The following BIRC5 variants were observed in gnomAD, a reference collection of about 807,000 sequenced individuals.
BIRC5 encodes baculoviral IAP repeat containing 5.
In BIRC5, 8 loss-of-function variants were observed where a neutral mutation model predicts 15.8. The ratio of observed to expected loss-of-function variants is 0.51; its 90% CI spans 0.30 to 0.91. BIRC5 has a LOEUF of 0.91. Ranked by LOEUF, BIRC5 falls within the 40% of genes least tolerant of loss-of-function variation. The pLI is 0.07. For synonymous variants in BIRC5, 56 were observed against 64.5 expected (o/e 0.87, Z 0.63); for missense variants, 163 against 178.6 (o/e 0.91, Z 0.50).
chr17:78,215,365 C>T (rs1000964020), intron 2 of BIRC5, among the ~76,000 whole-genome samples: 4 of 151,448 alleles, frequency 2.6e-5, no homozygotes, highest in African/African-American at 4.9e-5. Flanking sequence ...TGCAGTGAGC[C>T]GAGATTGTGC....
In BIRC5 at chr17:78,225,381, C is replaced by T. The variant is rs4789560; in HGVS notation, c.*1827C>T. The T allele has an allele frequency of 0.38, 57,660 of 152,038 alleles. 10,986 individuals carry two copies. Among genetic ancestry groups the T allele is most frequent in the Middle Eastern group, 0.48 (140 of 294 alleles). The allele number at this position is 152,038 out of a possible 1,614,324, so 9.4% of individuals were successfully genotyped here. A position where few individuals can be genotyped will look rare whatever the true frequency, so the allele number is the denominator to read the frequency against. ...CTAGACTTTCTTTCAGATACATGTC[C>T]ACATGTCCATTTTTCAGGTTCTCTA... On this transcript the variant is annotated 3_prime_UTR_variant, in exon 4 of 4. Coordinates refer to ENST00000350051, the MANE Select transcript of BIRC5 (RefSeq NM_001168.3).
intron 3 of BIRC5, among the ~76,000 whole-genome samples, chr17:78,218,902 A>T (rs4789554): frequency 6.6e-6 from 1 of 151,750 alleles, no homozygotes; most frequent in Non-Finnish European, 1.5e-5. Context: ...CTACTGCACC[A>T]GGCCTGGGCG....
At position 78,223,800 on chromosome 17, in the gene BIRC5, G is replaced by T; in HGVS notation, c.*246G>T. 1.2e-6 allele frequency: 1 copy of T among 845,910 alleles called. No homozygotes were observed. The highest frequency in any genetic ancestry group is 1.7e-6 in the Non-Finnish European group (1 of 590,802). 52.4% of individuals were successfully genotyped at this position (845,910 alleles called of 1,614,324 possible). ...TCTCTCTCTCTCTCTCTTTTTTGGG[G>T]GCTCATTTTTGCTGTTTTGATTCCC... On this transcript the variant is annotated 3_prime_UTR_variant, in exon 4 of 4. Coordinates refer to ENST00000350051, the MANE Select transcript of BIRC5 (RefSeq NM_001168.3).
intron 1 of BIRC5, 96 bp downstream of exon 1, chr17:78,214,523 C>A: frequency 7.7e-7 from 1 of 1,306,336 alleles, no homozygotes; most frequent in Non-Finnish European, 1.0e-6. Context: ...AAGCCGCCCT[C>A]CCCTCCCCGT....
rs753320749 is a variant in BIRC5 at position 78,223,480 on chromosome 17, A to C, written c.355A>C (p.Asn119His). The change falls in exon 4 of 4, where the codon AAT becomes CAT. Residue 119 changes from asparagine to histidine, a missense_variant. Transcript: ENST00000350051. The stretch of plus-strand genomic sequence containing the variant: ...TTATTTCCAGGCAAAGGAAACCAAC[A>C]ATAAGAAGAAAGAATTTGAGGAAAC... ...AKNKIAKETN[N>H]KKKEFEETAE... The C allele has an allele frequency of 1.2e-5, 19 of 1,600,690 alleles. No individual in the cohort carries two copies. The Admixed American group carries it at 1.9e-4, about 16-fold the overall frequency.
chr17:78,214,773 C>G lies in BIRC5; in HGVS notation c.205C>G (p.Pro69Ala). The part of the protein sequence containing the change: ...FCFKELEGWE[P>A]DDDPIEEHKK... Reference sequence around the variant, plus strand: ...CTTCAAGGAGCTGGAAGGCTGGGAGCCAGATGACGACCCCATGTAAGTCTT... The same window carrying G: ...CTTCAAGGAGCTGGAAGGCTGGGAGGCAGATGACGACCCCATGTAAGTCTT... Residue 69 changes from proline to alanine, a missense_variant, in exon 2 of 4, where the codon CCA becomes GCA. Coordinates refer to ENST00000350051, the MANE Select transcript of BIRC5 (RefSeq NM_001168.3). The G allele has an allele frequency of 6.2e-7, 1 of 1,612,790 alleles. No individual in the cohort carries two copies. The highest frequency in any genetic ancestry group is 8.5e-7 in the Non-Finnish European group (1 of 1,179,458).
chr17:78,219,803 G>C (rs1458964814), intron 3 of BIRC5, among the ~76,000 whole-genome samples: 1 of 152,220 alleles, frequency 6.6e-6, no homozygotes, highest in Non-Finnish European at 1.5e-5. Flanking sequence ...AAAAGGCCAT[G>C]ACGGGCTGTA....
chr17:78,220,385 G>A (rs988083507), intron 3 of BIRC5, among the ~76,000 whole-genome samples: 7 of 151,384 alleles, frequency 4.6e-5, no homozygotes, highest in Non-Finnish European at 2.9e-5. Context: ...CCGAGATCGC[G>A]CCACTGCACT....
chr17:78,223,116 G>A (rs1006383434), intron 3 of BIRC5: 3 of 1,019,134 alleles, frequency 2.9e-6, no homozygotes, highest in African/African-American at 3.2e-5. Context: ...CTTCAGCCTG[G>A]ACCTCGGTTT....
chr17:78,225,048 A>G lies in BIRC5; in HGVS notation c.*1494A>G, dbSNP rs1351803887. 6.6e-6 allele frequency: 1 copy of G among 152,172 alleles called. No homozygotes were observed. The highest frequency in any genetic ancestry group is 1.5e-5 in the Non-Finnish European group (1 of 68,038). 9.4% of individuals were successfully genotyped at this position (152,172 alleles called of 1,614,324 possible). Reference sequence around the variant, plus strand: ...TACTCATCTAAGCTGCTTATTTTTGATATTTGTGTCAGTCTGTAAATGGAT... The same window carrying G: ...TACTCATCTAAGCTGCTTATTTTTGGTATTTGTGTCAGTCTGTAAATGGAT... On this transcript the variant is annotated 3_prime_UTR_variant, in exon 4 of 4. Coordinates refer to ENST00000350051, the MANE Select transcript of BIRC5 (RefSeq NM_001168.3).
In BIRC5 at chr17:78,224,157, T is replaced by A. The variant is rs1567867537; in HGVS notation, c.*603T>A. 1 of 152,366 alleles carries A rather than the reference T, an allele frequency of 6.6e-6. No homozygotes were observed. Among genetic ancestry groups the A allele is most frequent in the African/African-American group, 2.4e-5 (1 of 41,434 alleles). 9.4% of individuals were successfully genotyped at this position (152,366 alleles called of 1,614,324 possible). On this transcript the variant is annotated 3_prime_UTR_variant, in exon 4 of 4. Transcript: ENST00000350051. ...TCTACTGTTTAACAACATGGCTTTC[T>A]TATTTTGTTTGAATTGTTAATTCAC...
intron 2 of BIRC5, chr17:78,215,082 T>C: frequency 3.3e-6 from 1 of 304,636 alleles, no homozygotes; most frequent in South Asian, 3.4e-5. Context: ...AACGTCCAAG[T>C]GCTTTTTTTG....
intron 3 of BIRC5, chr17:78,222,692 A>T: frequency 8.0e-7 from 1 of 1,255,670 alleles, no homozygotes; most frequent in Non-Finnish European, 1.1e-6. Flanking sequence ...TTTTTAAGTT[A>T]ACCTCTGTCA....
At chr17:78,216,446 G>A (rs77183789) in intron 2 of BIRC5, 8 of 488,156 alleles carry the variant, frequency 1.6e-5, no homozygotes, top group Admixed American at 3.4e-5. Context: ...ACACAGATGT[G>A]GGGGGAGATG....
chr17:78,217,322 T>A (rs760732481), intron 3 of BIRC5, among the ~76,000 whole-genome samples: 4 of 148,500 alleles, frequency 2.7e-5, no homozygotes, highest in Admixed American at 6.7e-5. Context: ...ATTACAGGCA[T>A]GTGCCACCAC....
intron 2 of BIRC5, chr17:78,216,141 C>A: frequency 1.0e-5 from 2 of 194,930 alleles, no homozygotes; most frequent in Non-Finnish European, 1.9e-5. Context: ...CCCAGCTACT[C>A]GGGAGGCTGA....
At chr17:78,216,807 C>G in intron 3 of BIRC5, 26 bp downstream of exon 3, 1 of 1,556,052 alleles carries the variant, frequency 6.4e-7, no homozygotes. Context: ...AAGAACTGCT[C>G]AAACCCTGTT....
At position 78,222,964 on chromosome 17, in the gene BIRC5, G is replaced by A; in HGVS notation, c.340-501G>A. 4.0e-6 allele frequency: 6 copies of A among 1,511,752 alleles called. No individual in the cohort carries two copies. In the South Asian group the frequency reaches 7.5e-5, roughly 19 times the overall value. 93.6% of individuals were successfully genotyped at this position (1,511,752 alleles called of 1,614,324 possible). ...ACTGGACATGAAGAGGAAGGCTCTG[G>A]ACTTTCCTCCAGGAGTTTCAGGAGA... On this transcript the variant is annotated intron_variant, in intron 3 of 3. Coordinates refer to ENST00000350051, the MANE Select transcript of BIRC5 (RefSeq NM_001168.3).
chr17:78,222,184 A>G (rs2076519692), intron 3 of BIRC5, among the ~76,000 whole-genome samples: 1 of 150,116 alleles, frequency 6.7e-6, no homozygotes, highest in African/African-American at 2.5e-5. Flanking sequence ...CCTGGATGAC[A>G]GAGCGAGACC....
Sources: gnomAD v4.1 joint callset for allele counts (sites outside exome capture counted in the v4.1 genomes callset) on GRCh38, gnomAD v4.1.1 for gene constraint, MANE v1.5 for transcripts, NCBI Gene and HGNC (gene_info 2026-07-23, HGNC 2026-07-21) for gene names.